The following SNX24 variants were observed in gnomAD, a reference collection of about 807,000 sequenced individuals.
SNX24 encodes sorting nexin 24, also known as sorting nexin-24.
Under a neutral mutation model 28.7 loss-of-function variants are expected in SNX24, and 22 were observed. The ratio of observed to expected loss-of-function variants is 0.77; its 90% confidence interval spans 0.55 to 1.10. The LOEUF (loss-of-function observed/expected upper bound fraction) is 1.10, where lower values mean the gene tolerates loss of function less well. Among genes scored for constraint, SNX24 ranks in the 50% least tolerant of loss-of-function variants. The pLI, the probability that SNX24 is intolerant of heterozygous loss-of-function variation, is 0.00. For synonymous variants in SNX24, 69 were observed against 71.5 expected (o/e 0.96, Z 0.18); for missense variants, 221 against 201.1 (o/e 1.10, Z -0.60).
chr5:122,865,128 A>G (rs1390521962), intron 1 of SNX24, among the ~76,000 whole-genome samples: 1 of 152,220 alleles, frequency 6.6e-6, no homozygotes, highest in African/African-American at 2.4e-5. Flanking sequence ...GTTCTGAAGT[A>G]CCATTTCACA....
intron 1 of SNX24, among the ~76,000 whole-genome samples, chr5:122,878,053 G>C (rs1415157882): frequency 6.6e-6 from 1 of 152,178 alleles, no homozygotes; most frequent in African/African-American, 2.4e-5. Context: ...ACAAGGGAAT[G>C]ATGGCTGACC....
At chr5:123,021,195 C>G (rs565864079) in intron 5 of SNX24, among the ~76,000 whole-genome samples, 23 of 151,358 alleles carry the variant, frequency 1.5e-4, no homozygotes, top group African/African-American at 4.6e-4. Flanking sequence ...TCTGACTTCA[C>G]TGACTTATTG....
chr5:122,865,197 G>A (rs1242157657), intron 1 of SNX24, among the ~76,000 whole-genome samples: 2 of 152,204 alleles, frequency 1.3e-5, no homozygotes, highest in Non-Finnish European at 2.9e-5. Flanking sequence ...CACTGAAGTT[G>A]TCACATAAAA....
At chr5:122,913,943 A>G (rs1275091339) in intron 1 of SNX24, among the ~76,000 whole-genome samples, 1 of 152,194 alleles carries the variant, frequency 6.6e-6, no homozygotes, top group Non-Finnish European at 1.5e-5. Flanking sequence ...CCCCGTCTCC[A>G]CCAAAAAATT....
chr5:123,025,972 A>G, intron 5 of SNX24: 1 of 1,583,180 alleles, frequency 6.3e-7, no homozygotes, highest in Non-Finnish European at 8.6e-7. Flanking sequence ...CTCACACCTG[A>G]GACAAAACAA....
chr5:122,860,632 G>A (rs1198678686), intron 1 of SNX24, among the ~76,000 whole-genome samples: 2 of 152,200 alleles, frequency 1.3e-5, no homozygotes, highest in Non-Finnish European at 1.5e-5. Context: ...GTCTCGCTCT[G>A]TTGCCCAGGC....
In SNX24 at chr5:122,870,399, C is replaced by G. The variant is rs1755919453; in HGVS notation, c.60+24706C>G. Reference sequence around the variant, plus strand: ...CTCTCCAGAACAGAAAGACCTCAACCCTGCCCACATCTAGTGAATAGCAGT... The same window carrying G: ...CTCTCCAGAACAGAAAGACCTCAACGCTGCCCACATCTAGTGAATAGCAGT... On this transcript the variant is annotated intron_variant, in intron 1 of 6. Transcript: ENST00000261369. Among the ~76,000 whole-genome samples, 3 of 152,278 alleles carry G rather than the reference C, an allele frequency of 2.0e-5. No homozygotes were observed. In the South Asian group the frequency reaches 6.2e-4, roughly 32 times the overall value.
At chr5:122,970,499 C>G (rs867505034) in intron 3 of SNX24, among the ~76,000 whole-genome samples, 1 of 152,054 alleles carries the variant, frequency 6.6e-6, no homozygotes, top group Admixed American at 6.5e-5. Flanking sequence ...GACGGAGTCT[C>G]GCTCTGTCGC....
At chr5:122,977,122 C>A (rs1363262308) in intron 3 of SNX24, among the ~76,000 whole-genome samples, 1 of 152,058 alleles carries the variant, frequency 6.6e-6, no homozygotes, top group Non-Finnish European at 1.5e-5. Context: ...GGTTGGTGTA[C>A]TTTGTTTTCC....
intron 1 of SNX24, among the ~76,000 whole-genome samples, chr5:122,874,571 A>G (rs1234314311): frequency 1.3e-5 from 2 of 152,186 alleles, no homozygotes; most frequent in Non-Finnish European, 2.9e-5. Context: ...GTGCTGATCG[A>G]TGTGCGGCAT....
intron 3 of SNX24, among the ~76,000 whole-genome samples, chr5:122,974,332 A>G (rs546346326): frequency 6.6e-6 from 1 of 152,328 alleles, no homozygotes; most frequent in Non-Finnish European, 1.5e-5. Context: ...GCATAATGTT[A>G]TCAGTGTTAT....
chr5:122,898,514 A>G (rs1430703025), intron 1 of SNX24, among the ~76,000 whole-genome samples: 1 of 152,214 alleles, frequency 6.6e-6, no homozygotes, highest in African/African-American at 2.4e-5. Context: ...GGCTCCAGCC[A>G]CTATGGCAGC....
At chr5:122,913,781 C>T (rs536380526) in intron 1 of SNX24, among the ~76,000 whole-genome samples, 4 of 152,040 alleles carry the variant, frequency 2.6e-5, no homozygotes, top group South Asian at 2.1e-4. Flanking sequence ...GAGGTTGTAG[C>T]GAGCCAAGAT....
chr5:122,893,359 C>T (rs1355078487), intron 1 of SNX24, among the ~76,000 whole-genome samples: 4 of 151,640 alleles, frequency 2.6e-5, no homozygotes, highest in African/African-American at 9.7e-5. Context: ...TTTCACAATT[C>T]TACATTTCTG....
intron 3 of SNX24, among the ~76,000 whole-genome samples, chr5:122,946,819 A>G (rs375390844): frequency 6.6e-6 from 1 of 152,332 alleles, no homozygotes; most frequent in South Asian, 2.1e-4. Flanking sequence ...AACAAAAAGA[A>G]CTAGTGGCCC....
At chr5:122,979,800 A>G (rs1761320681) in intron 3 of SNX24, among the ~76,000 whole-genome samples, 1 of 152,208 alleles carries the variant, frequency 6.6e-6, no homozygotes, top group Non-Finnish European at 1.5e-5. Flanking sequence ...ATAAAAATGA[A>G]TATACAAGTT....
intron 1 of SNX24, among the ~76,000 whole-genome samples, chr5:122,872,570 T>C (rs546622481): frequency 6.6e-6 from 1 of 152,304 alleles, no homozygotes; most frequent in South Asian, 2.1e-4. Flanking sequence ...TGGCCTAGTA[T>C]TTGCATATAA....
At chr5:122,933,458 A>T (rs1162568947) in intron 1 of SNX24, among the ~76,000 whole-genome samples, 1 of 152,188 alleles carries the variant, frequency 6.6e-6, no homozygotes, top group Non-Finnish European at 1.5e-5. Context: ...TCAGGGGATC[A>T]CAGGGCTCTG....
intron 2 of SNX24, among the ~76,000 whole-genome samples, chr5:122,938,716 G>C (rs1419760162): frequency 9.8e-5 from 1 of 10,254 alleles, no homozygotes. Context: ...CGAGGCGGGC[G>C]GATCACGAGG....
Sources: gnomAD v4.1 joint callset for allele counts (sites outside exome capture counted in the v4.1 genomes callset) on GRCh38, gnomAD v4.1.1 for gene constraint, MANE v1.5 for transcripts, NCBI Gene and HGNC (gene_info 2026-07-23, HGNC 2026-07-21) for gene names.